Variants in PCDHA2 observed in about 807,000 individuals in gnomAD.
The protein encoded by PCDHA2 is protocadherin alpha-2.
PCDHA2 carries 58 observed loss-of-function variants against 66.0 expected under a neutral mutation model. That is an observed-to-expected ratio of 0.88 (90% confidence interval 0.71 to 1.09). The LOEUF is 1.09. Ranked by LOEUF, PCDHA2 falls within the 50% of genes least tolerant of loss-of-function variation. The pLI, the probability that PCDHA2 is intolerant of heterozygous loss-of-function variation, is 0.00. For missense variants in PCDHA2, 1,267 were observed against 1,242.3 expected, an observed-to-expected ratio of 1.02 and a Z score of -0.30; for synonymous variants, 634 against 554.0, an observed-to-expected ratio of 1.14 and a Z score of -2.03.
intron 1 of PCDHA2, among the ~76,000 whole-genome samples, chr5:140,945,889 A>G (rs2093857848): frequency 6.6e-6 from 1 of 152,074 alleles, no homozygotes; most frequent in African/African-American, 2.4e-5. Flanking sequence ...CAAAGAAAAC[A>G]CAGTGGGAAA....
intron 1 of PCDHA2, chr5:140,827,950 A>T: frequency 7.9e-7 from 1 of 1,270,912 alleles, no homozygotes; most frequent in Non-Finnish European, 1.1e-6. Context: ...CCAACATTCA[A>T]ATTTCTTCTA....
At chr5:140,883,324 C>A (rs782213205) in intron 1 of PCDHA2, 1 of 1,614,166 alleles carries the variant, frequency 6.2e-7, no homozygotes, top group Non-Finnish European at 8.5e-7. Context: ...AGGTTACCAT[C>A]ACTTCTTTGT....
chr5:140,998,987 G>A (rs1381033392), intron 3 of PCDHA2, among the ~76,000 whole-genome samples: 1 of 152,234 alleles, frequency 6.6e-6, no homozygotes. Context: ...ATAGTAGAAA[G>A]CAGAATGCTG....
At chr5:140,849,996 G>A (rs2150462323) in intron 1 of PCDHA2, 4 of 1,597,014 alleles carry the variant, frequency 2.5e-6, no homozygotes, top group African/African-American at 2.7e-5. Flanking sequence ...GCGGTTGGGC[G>A]AGCGCTCGCT....
In PCDHA2 at chr5:140,846,348, C is replaced by G. The variant is rs2150387302; in HGVS notation, c.2388+48996C>G. 4.3e-5 allele frequency among the ~76,000 whole-genome samples: 6 copies of G among 138,740 alleles called. 1 individual carries two copies. Among genetic ancestry groups the G allele is most frequent in the Admixed American group, 4.3e-4 (6 of 13,918 alleles). The allele number at this position is 138,740 out of a possible 152,430, so 91.0% of individuals were successfully genotyped here. Reference sequence around the variant, plus strand: ...TAAATAGCCTTTTAAAGTGCTTTCTCTTTTTTCTTTTCTTTTCTTTCTTTC... The same window carrying G: ...TAAATAGCCTTTTAAAGTGCTTTCTGTTTTTTCTTTTCTTTTCTTTCTTTC... On this transcript the variant is annotated intron_variant, in intron 1 of 3. Coordinates refer to ENST00000526136, the MANE Select transcript of PCDHA2 (RefSeq NM_018905.3).
chr5:140,989,237 A>C (rs2097333860), intron 3 of PCDHA2, among the ~76,000 whole-genome samples: 1 of 152,172 alleles, frequency 6.6e-6, no homozygotes, highest in African/African-American at 2.4e-5. Flanking sequence ...CTGAAGTTTT[A>C]AGCCCCTTGT....
intron 1 of PCDHA2, among the ~76,000 whole-genome samples, chr5:140,838,280 A>ATTTTTTTT (rs34299325): frequency 2.9e-5 from 4 of 139,572 alleles, no homozygotes; most frequent in African/African-American, 8.2e-5. Flanking sequence ...AGCCATGCTA[A>ATTTTTTTT]TTTTTTTTTT....
chr5:140,829,049 A>G (rs2150162138), intron 1 of PCDHA2: 1 of 1,613,120 alleles, frequency 6.2e-7, no homozygotes, highest in South Asian at 1.1e-5. Flanking sequence ...CAAAATCCTC[A>G]TTGACGCCAC....
rs781871079 is a variant in PCDHA2, at chr5:140,857,427, C to T, written c.2388+60075C>T. 3 of 1,598,334 alleles carry T rather than the reference C, an allele frequency of 1.9e-6. No individual in the cohort carries two copies. In the East Asian group the frequency reaches 6.7e-5, roughly 36 times the overall value. ...CCTGCGTTCGCGCAGTCCGAGTACA[C>T]GGTGTTCGTGAAGGAGAACAACCCG... On this transcript the variant is annotated intron_variant, in intron 1 of 3. Coordinates refer to ENST00000526136, the MANE Select transcript of PCDHA2 (RefSeq NM_018905.3).
intron 1 of PCDHA2, chr5:140,830,467 TGAA>T (rs2150186899): frequency 3.2e-6 from 5 of 1,572,686 alleles, no homozygotes; most frequent in Non-Finnish European, 4.3e-6. Flanking sequence ...AGGATTTAAA[TGAA>T]GATCATGATG....
chr5:140,877,161 G>C (rs2056901330), intron 1 of PCDHA2: 1 of 1,613,828 alleles, frequency 6.2e-7, no homozygotes, highest in Non-Finnish European at 8.5e-7. Context: ...ACAACGCGCC[G>C]GCACTGCTGG....
In PCDHA2 at chr5:140,796,069, AT is replaced by A. The variant is rs1562156931; in HGVS notation, c.1107del (p.Ile369MetfsTer21). The A allele has an allele frequency of 6.2e-7, 1 of 1,614,190 alleles. No individual in the cohort carries two copies. The highest frequency in any genetic ancestry group is 1.7e-5 in the Admixed American group (1 of 60,038). ...ISENASLGTV[I>X]ALITVSDRDS... ...AGAGAACGCTTCCCTGGGCACTGTCATTGCTCTCATCACGGTGTCGGATCGC... is the reference window on the plus strand; with the variant it reads ...AGAGAACGCTTCCCTGGGCACTGTCATGCTCTCATCACGGTGTCGGATCGC... On this transcript the variant is annotated frameshift_variant, in exon 1 of 4. Coordinates refer to ENST00000526136, the MANE Select transcript of PCDHA2 (RefSeq NM_018905.3). LOFTEE classifies it high-confidence loss of function.
chr5:140,847,566 G>A (rs1309857788), intron 1 of PCDHA2: 2 of 149,184 alleles, frequency 1.3e-5, no homozygotes, highest in African/African-American at 4.9e-5. Context: ...ATTGCCCCGA[G>A]TACTAAGGAT....
rs143002904 is a variant in PCDHA2, at chr5:140,856,290, G to T, written c.2388+58938G>T. 5.0e-6 allele frequency: 8 copies of T among 1,598,368 alleles called. 2 individuals are homozygous for T. The African/African-American group carries it at 8.1e-5, about 16-fold the overall frequency. ...CTTCTGGAGGTAAATCTGCAGAATGGCATTTTGTTTGTGAATTCTCGGATT... is the reference window on the plus strand; with the variant it reads ...CTTCTGGAGGTAAATCTGCAGAATGTCATTTTGTTTGTGAATTCTCGGATT... On this transcript the variant is annotated intron_variant, in intron 1 of 3. Coordinates refer to ENST00000526136, the MANE Select transcript of PCDHA2 (RefSeq NM_018905.3).
At chr5:140,870,534 G>T (rs547039725) in intron 1 of PCDHA2, 12 of 1,614,150 alleles carry the variant, frequency 7.4e-6, no homozygotes, top group Non-Finnish European at 1.0e-5. Context: ...TCACAGTGTC[G>T]GCGCGGGACG....
At chr5:140,945,790 T>C (rs1340396620) in intron 1 of PCDHA2, among the ~76,000 whole-genome samples, 2 of 152,010 alleles carry the variant, frequency 1.3e-5, no homozygotes, top group South Asian at 2.1e-4. Context: ...TGCAGAAAAA[T>C]GAAACTAGAC....
At chr5:140,870,837 G>A (rs782610375) in intron 1 of PCDHA2, 9 of 1,613,702 alleles carry the variant, frequency 5.6e-6, no homozygotes, top group African/African-American at 1.3e-5. Flanking sequence ...CAGTTAACAA[G>A]CTAGTACCGC....
chr5:141,010,272 T>C lies in PCDHA2; in HGVS notation c.*335T>C. On this transcript the variant is annotated 3_prime_UTR_variant, in exon 4 of 4. Coordinates refer to ENST00000526136, the MANE Select transcript of PCDHA2 (RefSeq NM_018905.3). ...TCTCTGCCCTGTGCTCCGGGGATCC[T>C]GTCTTGATGACACTTGCAGGGCAGG... The C allele has an allele frequency of 6.4e-7, 1 of 1,551,508 alleles. No homozygotes were observed. Among genetic ancestry groups the C allele is most frequent in the Non-Finnish European group, 8.7e-7 (1 of 1,146,940 alleles).
At position 140,857,609 on chromosome 5, in the gene PCDHA2, C is replaced by T; in HGVS notation, c.2388+60257C>T. 1.3e-6 allele frequency: 2 copies of T among 1,596,206 alleles called. 1 individual carries two copies. Among genetic ancestry groups the T allele is most frequent in the African/African-American group, 2.7e-5 (2 of 74,262 alleles). ...GAGCGGCAAGGTGTACGCGCTGCAG[C>T]CGCTGGACCACGAGGAGCTGGAGCT... is the stretch of plus-strand genomic sequence containing the variant. On this transcript the variant is annotated intron_variant, in intron 1 of 3. Transcript: ENST00000526136.
Sources: gnomAD v4.1 joint callset for allele counts (sites outside exome capture counted in the v4.1 genomes callset) on GRCh38, gnomAD v4.1.1 for gene constraint, MANE v1.5 for transcripts, NCBI Gene and HGNC (gene_info 2026-07-23, HGNC 2026-07-21) for gene names.